ARL10: variants seen among roughly 807,000 people sequenced by gnomAD.
The protein encoded by ARL10 is ADP-ribosylation factor-like protein 10.
Under a neutral mutation model 26.1 loss-of-function variants are expected in ARL10, and 23 were observed. The observed-to-expected ratio is 0.88, with a 90% CI of 0.63 to 1.25. The LOEUF (loss-of-function observed/expected upper bound fraction) is 1.25, where lower values mean the gene tolerates loss of function less well. Ranked by LOEUF, ARL10 falls within the 50% of genes most tolerant of loss-of-function variation. ARL10 has a pLI of 0.00. For missense variants in ARL10, 300 were observed against 323.6 expected (o/e 0.93, Z 0.56); for synonymous variants, 138 against 149.1 (o/e 0.93, Z 0.54).
At chr5:176,397,778 C>T (rs1320200971) in intron 1 of ARL10, 6 of 1,547,898 alleles carry the variant, frequency 3.9e-6, no homozygotes, top group African/African-American at 2.7e-5. Flanking sequence ...GGCCCGGCCG[C>T]GCTCCTCCCC....
chr5:176,392,534 T>C, downstream of ARL10: 1 of 508,670 alleles, frequency 2.0e-6, no homozygotes, highest in Non-Finnish European at 3.5e-6. The surrounding 1 kb of genome is among the most constrained non-coding windows in gnomAD (Gnocchi z 5.2). Flanking sequence ...AGAAAAAAAA[T>C]ACATCAGGAG....
At chr5:176,390,944 C>A (rs1281251161), downstream of ARL10, among the ~76,000 whole-genome samples, 1 of 152,170 alleles carries the variant, frequency 6.6e-6, no homozygotes, top group African/African-American at 2.4e-5. Context: ...CATGTAGTTT[C>A]AAACAAGTAT....
chr5:176,384,120 G>A (rs111867662), downstream of ARL10: 32 of 1,610,258 alleles, frequency 2.0e-5, no homozygotes, highest in African/African-American at 2.7e-4. Flanking sequence ...GATTCCATGG[G>A]ACCTGGCCAG....
At chr5:176,400,413 C>T (rs935912105) in intron 1 of ARL10, among the ~76,000 whole-genome samples, 2 of 152,254 alleles carry the variant, frequency 1.3e-5, no homozygotes, top group South Asian at 2.1e-4. Context: ...CATGGCACAA[C>T]GTAGTGGCAG....
downstream of ARL10, chr5:176,406,745 T>G: frequency 9.5e-6 from 12 of 1,265,736 alleles, no homozygotes; most frequent in South Asian, 1.3e-5. Flanking sequence ...ACAAAAGCTC[T>G]GTCTGGGATC....
At chr5:176,366,359 C>T (rs764947592) in intron 1 of ARL10, 21 bp from the exon 2 acceptor site, 1 of 1,596,274 alleles carries the variant, frequency 6.3e-7, no homozygotes. Flanking sequence ...CAGCCGCAAC[C>T]TTACCTCCGC....
chr5:176,406,666 T>C, downstream of ARL10: 4 of 1,289,212 alleles, frequency 3.1e-6, no homozygotes, highest in Non-Finnish European at 3.0e-6. Flanking sequence ...TTAGGCTGTA[T>C]TGGCAACTGG....
downstream of ARL10, among the ~76,000 whole-genome samples, chr5:176,392,235 T>G (rs993785593): frequency 1.8e-4 from 28 of 152,324 alleles, no homozygotes; most frequent in African/African-American, 6.7e-4. This position sits in a 1 kb window ranked among gnomAD's most constrained non-coding sequence, Gnocchi z 5.2. Context: ...TGTCCTTGGT[T>G]ATATGGTGAG....
the ARL10 span, among the ~76,000 whole-genome samples, chr5:176,407,132 C>T: frequency 6.6e-6 from 1 of 152,192 alleles, no homozygotes; most frequent in Non-Finnish European, 1.5e-5. Flanking sequence ...CTCAGATTCA[C>T]CCACAGCTCA....
chr5:176,386,532 C>T, downstream of ARL10: 1 of 426,746 alleles, frequency 2.3e-6, no homozygotes, highest in Admixed American at 3.4e-5. Context: ...ATCAGTTCAT[C>T]CTTAAATTCA....
the ARL10 span, among the ~76,000 whole-genome samples, chr5:176,409,190 G>T: frequency 6.6e-6 from 1 of 151,008 alleles, no homozygotes. Context: ...TAGCCAGGAT[G>T]GTCTCAATCT....
downstream of ARL10, among the ~76,000 whole-genome samples, chr5:176,404,448 G>A (rs1213236759): frequency 6.6e-6 from 1 of 152,236 alleles, no homozygotes; most frequent in East Asian, 1.9e-4. Flanking sequence ...TTTTACAAAT[G>A]AGAAGCCAGG....
downstream of ARL10, among the ~76,000 whole-genome samples, chr5:176,389,173 A>G (rs1017010098): frequency 3.9e-5 from 6 of 152,036 alleles, no homozygotes; most frequent in Admixed American, 1.3e-4. Flanking sequence ...TAAGATTGGG[A>G]GGACTCTGTA....
chr5:176,365,965 C>T (rs190762312), intron 1 of ARL10, among the ~76,000 whole-genome samples: 1 of 152,196 alleles, frequency 6.6e-6, no homozygotes, highest in East Asian at 1.9e-4. Context: ...GGCGCCTTGG[C>T]GCCACGCCGT....
At chr5:176,397,738 T>G (rs1452784389) in intron 1 of ARL10, 1 of 1,604,776 alleles carries the variant, frequency 6.2e-7, no homozygotes, top group Non-Finnish European at 8.5e-7. Context: ...CACAAGAGAA[T>G]GAGTGGCTGC....
chr5:176,372,897 G>A lies in ARL10; in HGVS notation c.*1002G>A. 1 of 398,674 alleles carries A rather than the reference G, an allele frequency of 2.5e-6. No homozygotes were observed. The allele number at this position is 398,674 out of a possible 1,614,324, so 24.7% of individuals were successfully genotyped here. A position where few individuals can be genotyped will look rare whatever the true frequency, so the allele number is the denominator to read the frequency against. ...ACAGTCATAGAAAATTTGGAACTTA[G>A]GAAAATAGCTGGAATCATGAATGAC... is the stretch of plus-strand genomic sequence containing the variant. On this transcript the variant is annotated 3_prime_UTR_variant, in exon 4 of 4. Coordinates refer to ENST00000310389, the MANE Select transcript of ARL10 (RefSeq NM_173664.6).
downstream of ARL10, chr5:176,392,677 G>A (rs1756308674): frequency 1.4e-6 from 2 of 1,400,912 alleles, no homozygotes; most frequent in African/African-American, 1.4e-5. The surrounding 1 kb of genome is among the most constrained non-coding windows in gnomAD (Gnocchi z 5.2). Context: ...ATAGGCTGTG[G>A]GTAGCAGCTG....
intron 3 of ARL10, 136 bp from the exon 4 acceptor site, chr5:176,371,586 C>T (rs1430378379): frequency 1.9e-5 from 11 of 574,558 alleles, no homozygotes; most frequent in East Asian, 1.8e-4. Context: ...CTGATATTCC[C>T]GGGGATAGCC....
the ARL10 span, among the ~76,000 whole-genome samples, chr5:176,407,319 T>C: frequency 2.0e-5 from 3 of 152,184 alleles, no homozygotes; most frequent in African/African-American, 7.2e-5. Context: ...GGTACTTTCT[T>C]TTTTGAGACA....
Sources: gnomAD v4.1 joint callset for allele counts (sites outside exome capture counted in the v4.1 genomes callset) on GRCh38, gnomAD v4.1.1 for gene constraint, Gnocchi (gnomAD v3.1) non-coding constraint, MANE v1.5 for transcripts, NCBI Gene and HGNC (gene_info 2026-07-23, HGNC 2026-07-21) for gene names.